Variants in GRM8 observed in about 807,000 individuals in gnomAD.
GRM8 encodes the protein glutamate metabotropic receptor 8, also known as metabotropic glutamate receptor 8.
Under a neutral mutation model 87.2 loss-of-function variants are expected in GRM8, and 47 were observed. That is an observed-to-expected ratio of 0.54 (90% confidence interval 0.43 to 0.69). GRM8 has a LOEUF of 0.69. GRM8 is among the 30% of genes least tolerant of loss of function. GRM8 has a pLI of 0.00. For synonymous variants in GRM8, 396 were observed against 404.5 expected, an observed-to-expected ratio of 0.98 and a Z score of 0.25; for missense variants, 1,019 against 1,139.2, an observed-to-expected ratio of 0.89 and a Z score of 1.52.
chr7:127,040,481 T>C (rs1818321763), intron 3 of GRM8, among the ~76,000 whole-genome samples: 1 of 152,106 alleles, frequency 6.6e-6, no homozygotes, highest in Non-Finnish European at 1.5e-5. Flanking sequence ...CATCTCATTT[T>C]CTCTCAAGGA....
At chr7:126,937,169 T>C (rs544351486) in intron 3 of GRM8, among the ~76,000 whole-genome samples, 53 of 152,140 alleles carry the variant, frequency 3.5e-4, no homozygotes, top group Non-Finnish European at 6.2e-4. Context: ...TGGCAGCCAG[T>C]TCAAACATTC....
At chr7:126,605,652 C>T (rs1400941042) in intron 8 of GRM8, among the ~76,000 whole-genome samples, 1 of 152,082 alleles carries the variant, frequency 6.6e-6, no homozygotes, top group Non-Finnish European at 1.5e-5. Flanking sequence ...TGAAAACAAG[C>T]AGAGTTCAAT....
At position 126,938,157 on chromosome 7, in the gene GRM8, A is replaced by T. The variant is rs192674844; in HGVS notation, c.728-33474T>A. On this transcript the variant is annotated intron_variant, in intron 3 of 10. Coordinates refer to ENST00000339582, the MANE Select transcript of GRM8 (RefSeq NM_000845.3). ...AATGGTATACATGTTTATAAAGGAAATTTTTTGTCCTTAACTTTCTCTGTC... is the reference window on the plus strand; with the variant it reads ...AATGGTATACATGTTTATAAAGGAATTTTTTTGTCCTTAACTTTCTCTGTC... Among the ~76,000 whole-genome samples, 3 of 152,198 alleles carry T rather than the reference A, an allele frequency of 2.0e-5. No individual in the cohort carries two copies. In the East Asian group the frequency reaches 5.8e-4, roughly 29 times the overall value.
chr7:127,143,445 T>G (rs1828385474), intron 2 of GRM8, among the ~76,000 whole-genome samples: 1 of 152,164 alleles, frequency 6.6e-6, no homozygotes, highest in African/African-American at 2.4e-5. Context: ...TCAAAATAAC[T>G]TGCTTATTTA....
intron 3 of GRM8, among the ~76,000 whole-genome samples, chr7:127,004,070 G>A (rs1814015094): frequency 6.6e-6 from 1 of 151,552 alleles, no homozygotes; most frequent in African/African-American, 2.4e-5. Context: ...TTAATAAAAA[G>A]TACTCAAACT....
intron 7 of GRM8, among the ~76,000 whole-genome samples, chr7:126,712,534 C>T (rs545267643): frequency 6.6e-6 from 1 of 152,092 alleles, no homozygotes; most frequent in African/African-American, 2.4e-5. Flanking sequence ...AAACACAGTA[C>T]CTGTGAGGCG....
intron 9 of GRM8, among the ~76,000 whole-genome samples, chr7:126,485,996 G>T (rs1333823370): frequency 3.9e-5 from 6 of 151,950 alleles, no homozygotes. Flanking sequence ...TACACTTGAA[G>T]AATAAACTCT....
rs1804440842 is a variant in GRM8 at position 126,465,899 on chromosome 7, C to T, written c.2431-19527G>A. ...AGGCATCTTTGCTTTTTTCCCAAAT[C>T]CAGGAAGAAAACTTTTAGCAATTCA... On this transcript the variant is annotated intron_variant, in intron 9 of 10. Coordinates refer to ENST00000339582, the MANE Select transcript of GRM8 (RefSeq NM_000845.3). Among the ~76,000 whole-genome samples the T allele has an allele frequency of 2.6e-5, 4 of 151,742 alleles. No homozygotes were observed. In the South Asian group the frequency reaches 8.3e-4, roughly 31 times the overall value.
chr7:126,800,416 A>G (rs1822533598), intron 6 of GRM8, among the ~76,000 whole-genome samples: 1 of 152,086 alleles, frequency 6.6e-6, no homozygotes. Flanking sequence ...TCCCATTTAA[A>G]TATTTATAAC....
At chr7:126,548,826 G>A (rs1421417963) in intron 8 of GRM8, among the ~76,000 whole-genome samples, 1 of 152,180 alleles carries the variant, frequency 6.6e-6, no homozygotes, top group African/African-American at 2.4e-5. Context: ...ACTAGGGGCA[G>A]AAGTACTAGG....
chr7:126,966,092 G>A (rs1296498840), intron 3 of GRM8, among the ~76,000 whole-genome samples: 1 of 152,036 alleles, frequency 6.6e-6, no homozygotes, highest in Non-Finnish European at 1.5e-5. Flanking sequence ...TATAAGAAAT[G>A]ATTTATGGGT....
At chr7:126,520,351 T>C (rs746926899) in intron 9 of GRM8, among the ~76,000 whole-genome samples, 12 of 152,146 alleles carry the variant, frequency 7.9e-5, no homozygotes, top group Non-Finnish European at 1.3e-4. Flanking sequence ...TTAAACATGA[T>C]ACATTTGGGG....
At chr7:126,526,011 C>T (rs1813765136) in intron 9 of GRM8, among the ~76,000 whole-genome samples, 1 of 151,962 alleles carries the variant, frequency 6.6e-6, no homozygotes. Flanking sequence ...TGGTACTAAC[C>T]CATATGATAC....
At chr7:126,679,501 C>A (rs900533024) in intron 7 of GRM8, among the ~76,000 whole-genome samples, 1 of 152,136 alleles carries the variant, frequency 6.6e-6, no homozygotes, top group African/African-American at 2.4e-5. Context: ...AGTGAAACAA[C>A]TTTATTTACT....
At chr7:127,160,305 G>T (rs1177300926) in intron 2 of GRM8, among the ~76,000 whole-genome samples, 1 of 152,014 alleles carries the variant, frequency 6.6e-6, no homozygotes, top group Non-Finnish European at 1.5e-5. Context: ...CAGGGTTGAA[G>T]GATAGAAGAA....
At chr7:126,939,748 A>G (rs17863167) in intron 3 of GRM8, among the ~76,000 whole-genome samples, 23 of 152,272 alleles carry the variant, frequency 1.5e-4, no homozygotes, top group Non-Finnish European at 2.2e-4. Flanking sequence ...CTATTTTTGC[A>G]AGCCTGTTGT....
intron 8 of GRM8, among the ~76,000 whole-genome samples, chr7:126,605,326 G>A (rs994596814): frequency 6.6e-6 from 1 of 152,084 alleles, no homozygotes; most frequent in African/African-American, 2.4e-5. Context: ...CCTCATGTGT[G>A]GGCCGAGATT....
chr7:126,953,207 C>T (rs1808339257), intron 3 of GRM8, among the ~76,000 whole-genome samples: 1 of 151,876 alleles, frequency 6.6e-6, no homozygotes, highest in Non-Finnish European at 1.5e-5. Context: ...AGAAAAAAAC[C>T]ACTGATGTGA....
At chr7:126,855,072 T>C (rs1015269748) in intron 6 of GRM8, among the ~76,000 whole-genome samples, 6 of 152,364 alleles carry the variant, frequency 3.9e-5, no homozygotes, top group African/African-American at 1.4e-4. Flanking sequence ...GGGTTTGTCA[T>C]AGATGGCTTT....
Sources: gnomAD v4.1 joint callset for allele counts (sites outside exome capture counted in the v4.1 genomes callset) on GRCh38, gnomAD v4.1.1 for gene constraint, MANE v1.5 for transcripts, NCBI Gene and HGNC (gene_info 2026-07-23, HGNC 2026-07-21) for gene names.